The following MTTP variants were observed in gnomAD, a reference collection of about 807,000 sequenced individuals.
The protein encoded by MTTP is microsomal triglyceride transfer protein large subunit.
MTTP carries 49 observed loss-of-function variants against 90.6 expected under a neutral mutation model. That is an observed-to-expected ratio of 0.54 (90% CI 0.43 to 0.69). The LOEUF (loss-of-function observed/expected upper bound fraction) is 0.69, where lower values mean the gene tolerates loss of function less well. Among genes scored for constraint, MTTP ranks in the 30% least tolerant of loss-of-function variants. The pLI, the probability that MTTP is intolerant of heterozygous loss-of-function variation, is 0.00. For missense variants in MTTP, 945 were observed against 1,067.5 expected, an observed-to-expected ratio of 0.89 and a Z score of 1.60; for synonymous variants, 347 against 384.2, an observed-to-expected ratio of 0.90 and a Z score of 1.13.
intron 15 of MTTP, 48 bp from the exon 16 acceptor site, chr4:99,618,926 A>T: frequency 1.3e-6 from 2 of 1,599,134 alleles, no homozygotes; most frequent in Non-Finnish European, 1.7e-6. Flanking sequence ...GGGTTAACTA[A>T]ATTGTACTTA....
In MTTP at chr4:99,601,591, C is replaced by G; in HGVS notation, c.1237-16C>G. The G allele has an allele frequency of 6.5e-7, 1 of 1,548,058 alleles. No individual in the cohort carries two copies. The highest frequency in any genetic ancestry group is 8.9e-7 in the Non-Finnish European group (1 of 1,120,534). ...AAATGTCTTGGTAACCTATTTTATC[C>G]CTGTTTGGTTAATAGAGTAAGTTCA... On this transcript the variant is annotated splice_polypyrimidine_tract_variant and intron_variant, in intron 9 of 17. Coordinates refer to ENST00000265517, the MANE Select transcript of MTTP (RefSeq NM_001386140.1).
intron 3 of MTTP, 25 bp from the exon 4 acceptor site, chr4:99,589,617 GT>G (rs765597788): frequency 1.5e-6 from 2 of 1,346,438 alleles, no homozygotes; most frequent in Non-Finnish European, 2.1e-6. Flanking sequence ...TGCTTCATTT[GT>G]GTTCTGTTCC....
chr4:99,590,836 T>TACACAC (rs34529437), intron 4 of MTTP, among the ~76,000 whole-genome samples: 1 of 148,314 alleles, frequency 6.7e-6, no homozygotes, highest in Non-Finnish European at 1.5e-5. Flanking sequence ...TAGTTGAAGT[T>TACACAC]ACACACACAC....
At chr4:99,578,073 A>G (rs545537356) in intron 1 of MTTP, among the ~76,000 whole-genome samples, 2 of 152,288 alleles carry the variant, frequency 1.3e-5, no homozygotes, top group Admixed American at 1.3e-4. Context: ...TGTCTCTTCA[A>G]ACCTCACCAA....
chr4:99,604,278 CTAGGAT>C (rs1725762878), intron 10 of MTTP, among the ~76,000 whole-genome samples: 1 of 152,128 alleles, frequency 6.6e-6, no homozygotes, highest in Non-Finnish European at 1.5e-5. Flanking sequence ...TCAGAACTTA[CTAGGAT>C]AAAAGCTACA....
At chr4:99,588,377 T>G (rs1220126799) in intron 3 of MTTP, among the ~76,000 whole-genome samples, 1 of 152,148 alleles carries the variant, frequency 6.6e-6, no homozygotes, top group Admixed American at 6.6e-5. Flanking sequence ...TTCTAAATTG[T>G]GTGATGCATA....
At chr4:99,576,305 A>G (rs1039347171) in intron 1 of MTTP, among the ~76,000 whole-genome samples, 3 of 152,230 alleles carry the variant, frequency 2.0e-5, no homozygotes, top group South Asian at 2.1e-4. Flanking sequence ...GTATTTTGAG[A>G]AAAATAATTG....
intron 12 of MTTP, among the ~76,000 whole-genome samples, chr4:99,610,933 A>G (rs959544502): frequency 2.6e-5 from 4 of 152,158 alleles, no homozygotes; most frequent in Non-Finnish European, 5.9e-5. Flanking sequence ...TCATTTTGAT[A>G]CCAAACTAAA....
upstream of MTTP, among the ~76,000 whole-genome samples, chr4:99,573,377 T>TA (rs1267667108): frequency 6.6e-6 from 1 of 152,158 alleles, no homozygotes; most frequent in African/African-American, 2.4e-5. Flanking sequence ...TCAAAATCCC[T>TA]ACTCTTCATA....
intron 16 of MTTP, among the ~76,000 whole-genome samples, chr4:99,619,894 C>A (rs1351131455): frequency 6.6e-6 from 1 of 152,154 alleles, no homozygotes; most frequent in Non-Finnish European, 1.5e-5. Flanking sequence ...AAAAGGTTCA[C>A]AATATAACTT....
chr4:99,601,838 T>G (rs1468937395), intron 10 of MTTP, 124 bp downstream of exon 10: 2 of 770,464 alleles, frequency 2.6e-6, no homozygotes, highest in Admixed American at 2.0e-5. Context: ...CTTATTTGCA[T>G]AGCAATTTTT....
chr4:99,571,032 T>C (rs11933520), upstream of MTTP, among the ~76,000 whole-genome samples: 39,763 of 151,874 alleles, frequency 0.26, 5,375 homozygotes, highest in South Asian at 0.35. Context: ...ATGGTAGCTA[T>C]GGAGAACTGA....
intron 10 of MTTP, among the ~76,000 whole-genome samples, chr4:99,602,873 T>C (rs562007927): frequency 2.6e-5 from 4 of 152,144 alleles, no homozygotes; most frequent in Non-Finnish European, 5.9e-5. Context: ...AGTCCTCAAA[T>C]AAAAAGATAA....
intron 16 of MTTP, among the ~76,000 whole-genome samples, chr4:99,620,353 C>T (rs1726199331): frequency 6.6e-6 from 1 of 152,186 alleles, no homozygotes; most frequent in Admixed American, 6.5e-5. Context: ...GTCCACAATT[C>T]AATTACAGTA....
intron 15 of MTTP, among the ~76,000 whole-genome samples, chr4:99,616,910 T>C (rs1363347263): frequency 6.6e-6 from 1 of 152,166 alleles, no homozygotes; most frequent in African/African-American, 2.4e-5. Context: ...TTCCATTTAA[T>C]ATATGGTTGG....
chr4:99,583,654 G>C, intron 3 of MTTP, 137 bp downstream of exon 3: 2 of 1,068,714 alleles, frequency 1.9e-6, no homozygotes, highest in Non-Finnish European at 2.8e-6. Flanking sequence ...AAAGAACAGA[G>C]GTTGTAAATT....
At chr4:99,578,424 C>T (rs1725020181) in intron 1 of MTTP, among the ~76,000 whole-genome samples, 1 of 152,162 alleles carries the variant, frequency 6.6e-6, no homozygotes, top group Non-Finnish European at 1.5e-5. Flanking sequence ...CTCTGCAAAG[C>T]ATAAACAGAG....
intron 8 of MTTP, among the ~76,000 whole-genome samples, chr4:99,599,516 A>C (rs1725645726): frequency 1.3e-5 from 2 of 152,208 alleles, no homozygotes; most frequent in South Asian, 2.1e-4. Context: ...AGAGATGTTC[A>C]GTGGATTAAA....
chr4:99,614,215 C>T (rs921909337), intron 15 of MTTP, among the ~76,000 whole-genome samples: 2 of 152,112 alleles, frequency 1.3e-5, no homozygotes, highest in African/African-American at 4.8e-5. Flanking sequence ...TACTTAATAG[C>T]CTTAAGCCAC....
Sources: gnomAD v4.1 joint callset for allele counts (sites outside exome capture counted in the v4.1 genomes callset) on GRCh38, gnomAD v4.1.1 for gene constraint, MANE v1.5 for transcripts, NCBI Gene and HGNC (gene_info 2026-07-23, HGNC 2026-07-21) for gene names.